Variants in NWD2 observed in about 807,000 individuals in gnomAD.
NWD2 encodes NACHT and WD repeat domain-containing protein 2.
In NWD2, 37 loss-of-function variants were observed where a neutral mutation model predicts 132.7. The ratio of observed to expected loss-of-function variants is 0.28; its 90% confidence interval spans 0.21 to 0.37. The LOEUF is 0.37. Ranked by LOEUF, NWD2 falls within the 10% of genes least tolerant of loss-of-function variation. The probability of loss-of-function intolerance (pLI) is 1.00; values close to 1 mark genes in which losing one functional copy is unlikely to be tolerated. For missense variants in NWD2, 1,592 were observed against 2,122.4 expected, an observed-to-expected ratio of 0.75 and a Z score of 4.91; for synonymous variants, 705 against 803.0, an observed-to-expected ratio of 0.88 and a Z score of 2.06.
intron 3 of NWD2, among the ~76,000 whole-genome samples, chr4:37,407,822 A>C (rs1342340943): frequency 2.6e-5 from 4 of 152,218 alleles, no homozygotes; most frequent in Admixed American, 2.6e-4. Flanking sequence ...TGCATTTCCA[A>C]CTGAGGTACC....
In NWD2 at chr4:37,372,403, A is replaced by T. The variant is rs113308630; in HGVS notation, c.357+15921A>T. Among the ~76,000 whole-genome samples, 370 of 152,348 alleles carry T rather than the reference A, an allele frequency of 2.4e-3. 3 individuals carry two copies. The highest frequency in any genetic ancestry group is 8.6e-3 in the African/African-American group (358 of 41,576). ...AGATTTCTGATTCTTGCCAGGACAC[A>T]CAGCTAGTATAGTAAGGAGCGATGT... On this transcript the variant is annotated intron_variant, in intron 3 of 6. Coordinates refer to ENST00000309447, the MANE Select transcript of NWD2 (RefSeq NM_001144990.2).
At chr4:37,318,847 T>TA (rs1475349202) in intron 1 of NWD2, among the ~76,000 whole-genome samples, 3 of 152,226 alleles carry the variant, frequency 2.0e-5, no homozygotes, top group Non-Finnish European at 4.4e-5. Flanking sequence ...CCATGGTGTA[T>TA]ATGTACCACA....
Position 37,249,448 on chromosome 4 carries a change from G to A in NWD2, c.151+4230G>A, listed in dbSNP as rs533419294. ...TTACTCCCAGTCATTGTCAGCAGTG[G>A]GCAGAGCACAGACCACTCTCCCTGG... is the stretch of plus-strand genomic sequence containing the variant. On this transcript the variant is annotated intron_variant, in intron 1 of 6. Transcript: ENST00000309447. Among the ~76,000 whole-genome samples, 34 of 152,250 alleles carry A rather than the reference G, an allele frequency of 2.2e-4. No individual in the cohort carries two copies. In the South Asian group the frequency reaches 7.1e-3, roughly 32 times the overall value.
chr4:37,317,862 A>G (rs1388917026), intron 1 of NWD2, among the ~76,000 whole-genome samples: 1 of 152,154 alleles, frequency 6.6e-6, no homozygotes. Flanking sequence ...TGAAAGTGAC[A>G]TTGGATTTTG....
At chr4:37,270,595 T>G (rs1051345313) in intron 1 of NWD2, among the ~76,000 whole-genome samples, 1 of 151,794 alleles carries the variant, frequency 6.6e-6, no homozygotes, top group East Asian at 1.9e-4. Context: ...GGAACAATCA[T>G]GACTCATTTT....
intron 3 of NWD2, among the ~76,000 whole-genome samples, chr4:37,426,915 G>A (rs1712025541): frequency 1.3e-5 from 2 of 152,060 alleles, no homozygotes; most frequent in Non-Finnish European, 2.9e-5. Context: ...GTTGAAGAAC[G>A]AACAGTACAT....
chr4:37,326,164 C>T, intron 2 of NWD2, 140 bp downstream of exon 2: 1 of 583,054 alleles, frequency 1.7e-6, no homozygotes, highest in Non-Finnish European at 3.1e-6. Flanking sequence ...TAAAAAGAAA[C>T]ACTGACAAAT....
At chr4:37,383,452 C>G (rs535351638) in intron 3 of NWD2, among the ~76,000 whole-genome samples, 8 of 152,114 alleles carry the variant, frequency 5.3e-5, no homozygotes, top group Non-Finnish European at 1.2e-4. Context: ...TAATATTCTC[C>G]CATCAGATTA....
chr4:37,249,711 A>G (rs1363693341), intron 1 of NWD2, among the ~76,000 whole-genome samples: 3 of 152,212 alleles, frequency 2.0e-5, no homozygotes, highest in Non-Finnish European at 1.5e-5. Flanking sequence ...TTAACACTTA[A>G]TGCATTTTTC....
chr4:37,393,999 T>C (rs1339294128), intron 3 of NWD2, among the ~76,000 whole-genome samples: 1 of 152,238 alleles, frequency 6.6e-6, no homozygotes. Context: ...CTAAGAAAGA[T>C]GGAAAATTAA....
intron 3 of NWD2, among the ~76,000 whole-genome samples, chr4:37,402,639 A>G (rs762134401): frequency 1.3e-5 from 2 of 152,186 alleles, no homozygotes; most frequent in Non-Finnish European, 2.9e-5. Context: ...TCTCATATGA[A>G]GAAGGCATTT....
intron 2 of NWD2, among the ~76,000 whole-genome samples, chr4:37,333,007 G>A (rs779727211): frequency 5.3e-5 from 8 of 152,096 alleles, no homozygotes; most frequent in East Asian, 1.9e-4. Flanking sequence ...TCCTCTGCTC[G>A]TGAAAAAGGG....
chr4:37,396,771 C>G (rs1720799069), intron 3 of NWD2, among the ~76,000 whole-genome samples: 2 of 151,976 alleles, frequency 1.3e-5, no homozygotes. Context: ...GGTGGCTCAC[C>G]CCTGTAATCC....
chr4:37,301,592 G>A (rs1224586383), intron 1 of NWD2, among the ~76,000 whole-genome samples: 2 of 151,136 alleles, frequency 1.3e-5, no homozygotes, highest in African/African-American at 4.9e-5. Flanking sequence ...AGTGATTTAA[G>A]CATTCCATTC....
intron 3 of NWD2, among the ~76,000 whole-genome samples, chr4:37,367,848 A>G (rs534135156): frequency 1.3e-5 from 2 of 152,156 alleles, no homozygotes; most frequent in East Asian, 3.8e-4. Context: ...ATGTCTAACT[A>G]GTAAGGGATA....
chr4:37,310,441 A>G (rs1718811283), intron 1 of NWD2, among the ~76,000 whole-genome samples: 1 of 152,194 alleles, frequency 6.6e-6, no homozygotes, highest in South Asian at 2.1e-4. Context: ...TGTAGAAATA[A>G]CACAGTGAAT....
chr4:37,295,440 C>G (rs1023076951), intron 1 of NWD2, among the ~76,000 whole-genome samples: 2 of 152,220 alleles, frequency 1.3e-5, no homozygotes, highest in African/African-American at 4.8e-5. Flanking sequence ...TGACACCTAT[C>G]TCATGCTGCG....
intron 3 of NWD2, among the ~76,000 whole-genome samples, chr4:37,394,768 G>T (rs1410305427): frequency 7.7e-6 from 1 of 129,620 alleles, no homozygotes; most frequent in Non-Finnish European, 1.6e-5. Flanking sequence ...AATACAAATT[G>T]GCCTATTTTC....
intron 3 of NWD2, among the ~76,000 whole-genome samples, chr4:37,366,181 A>G (rs1720095420): frequency 6.6e-6 from 1 of 152,164 alleles, no homozygotes; most frequent in African/African-American, 2.4e-5. Context: ...GCTGGGATGG[A>G]AAGGCAGAAT....
Sources: gnomAD v4.1 joint callset for allele counts (sites outside exome capture counted in the v4.1 genomes callset) on GRCh38, gnomAD v4.1.1 for gene constraint, MANE v1.5 for transcripts, NCBI Gene and HGNC (gene_info 2026-07-23, HGNC 2026-07-21) for gene names.